The following DDX60L variants were observed in gnomAD, a reference collection of about 807,000 sequenced individuals.
DDX60L encodes the protein probable ATP-dependent RNA helicase DDX60-like.
In DDX60L, 191 loss-of-function variants were observed where a neutral mutation model predicts 211.6. The ratio of observed to expected loss-of-function variants is 0.90; its 90% CI spans 0.80 to 1.02. DDX60L has a LOEUF of 1.02. Among genes scored for constraint, DDX60L ranks in the 50% least tolerant of loss-of-function variants. The probability of loss-of-function intolerance (pLI) is 0.00; values close to 1 mark genes in which losing one functional copy is unlikely to be tolerated. For missense variants in DDX60L, 2,007 were observed against 1,984.1 expected, an observed-to-expected ratio of 1.01 and a Z score of -0.22; for synonymous variants, 706 against 694.1, an observed-to-expected ratio of 1.02 and a Z score of -0.27.
At chr4:168,386,763 T>C (rs527669109) in intron 29 of DDX60L, among the ~76,000 whole-genome samples, 35 of 152,078 alleles carry the variant, frequency 2.3e-4, no homozygotes, top group Middle Eastern at 3.4e-3. Flanking sequence ...GAAGATTACG[T>C]GGTAGACAAC....
intron 8 of DDX60L, among the ~76,000 whole-genome samples, chr4:168,449,663 A>AAAAAAAAAAAAAAAAAT (rs1561098817): frequency 1.6e-5 from 1 of 62,426 alleles, no homozygotes; most frequent in East Asian, 3.4e-4. Flanking sequence ...AAAAAAAAAA[A>AAAAAAAAAAAAAAAAAT]AAGAAAAAAG....
At chr4:168,417,314 A>G (rs1199652988) in intron 19 of DDX60L, among the ~76,000 whole-genome samples, 1 of 152,084 alleles carries the variant, frequency 6.6e-6, no homozygotes, top group Non-Finnish European at 1.5e-5. Flanking sequence ...ATCTCAGGCC[A>G]CTTTCCCCGC....
chr4:168,399,173 A>G (rs533202756), intron 26 of DDX60L, among the ~76,000 whole-genome samples: 4 of 152,334 alleles, frequency 2.6e-5, no homozygotes, highest in South Asian at 4.1e-4. Context: ...CAGGGCTAAA[A>G]GACCTGTAAC....
intron 36 of DDX60L, among the ~76,000 whole-genome samples, chr4:168,368,569 G>A (rs1740402755): frequency 6.6e-6 from 1 of 152,232 alleles, no homozygotes; most frequent in Non-Finnish European, 1.5e-5. Flanking sequence ...CTGCCTAGTG[G>A]AGCTGTGAGA....
At position 168,472,811 on chromosome 4, in the gene DDX60L, T is replaced by G; in HGVS notation, c.-110-2A>C. ...CTACATTTGATGTGAATGGCACCTC[T>G]GTAATAAAAGAAAAAATAGAACTGC... On this transcript the variant is annotated splice_acceptor_variant, in intron 1 of 37. Coordinates refer to ENST00000682922, the MANE Select transcript of DDX60L (RefSeq NM_001012967.3). LOFTEE classifies it low-confidence loss of function (5UTR_SPLICE). 8.7e-7 allele frequency: 1 copy of G among 1,149,252 alleles called. No homozygotes were observed. The highest frequency in any genetic ancestry group is 1.2e-6 in the Non-Finnish European group (1 of 820,186). 71.2% of individuals were successfully genotyped at this position (1,149,252 alleles called of 1,614,324 possible).
chr4:168,473,566 A>T (rs567445055), intron 1 of DDX60L, among the ~76,000 whole-genome samples: 1 of 152,358 alleles, frequency 6.6e-6, no homozygotes, highest in African/African-American at 2.4e-5. Flanking sequence ...AGATCCTAGC[A>T]AGGACAGGAG....
chr4:168,365,936 T>C (rs977049100), intron 36 of DDX60L, among the ~76,000 whole-genome samples: 3 of 152,126 alleles, frequency 2.0e-5, no homozygotes, highest in Non-Finnish European at 2.9e-5. Flanking sequence ...GATCTTTTGA[T>C]AGATACAGAA....
At position 168,416,783 on chromosome 4, in the gene DDX60L, G is replaced by T; in HGVS notation, c.2625C>A (p.Gly875=). 1.9e-6 allele frequency: 3 copies of T among 1,587,370 alleles called. No homozygotes were observed. The highest frequency in any genetic ancestry group is 2.6e-6 in the Non-Finnish European group (3 of 1,166,442). ...YVIFDEVHYL[G]REVGAKFWEL... The stretch of plus-strand genomic sequence containing the variant: ...CCCAAAATTTTGCTCCAACTTCTCT[G>T]CCAAGATAATGGACCTAGTAAAGAA... The change falls in exon 20 of 38, where the codon GGC becomes GGA. Residue 875 remains glycine (G), a synonymous_variant. Coordinates refer to ENST00000682922, the MANE Select transcript of DDX60L (RefSeq NM_001012967.3).
chr4:168,384,116 G>C (rs1180702335), intron 30 of DDX60L, among the ~76,000 whole-genome samples: 1 of 152,184 alleles, frequency 6.6e-6, no homozygotes, highest in Non-Finnish European at 1.5e-5. Flanking sequence ...TTGGGACTCA[G>C]ACTGGCTTCC....
intron 18 of DDX60L, among the ~76,000 whole-genome samples, chr4:168,419,796 G>A (rs992132170): frequency 2.0e-5 from 3 of 152,126 alleles, no homozygotes; most frequent in African/African-American, 4.8e-5. Context: ...AAAAGGTTGG[G>A]TAGTCATTTA....
At chr4:168,439,387 G>A (rs1236219736) in intron 10 of DDX60L, among the ~76,000 whole-genome samples, 3 of 151,858 alleles carry the variant, frequency 2.0e-5, no homozygotes, top group Non-Finnish European at 4.4e-5. Context: ...TTTCCCTGAG[G>A]TAGAACAAAT....
intron 36 of DDX60L, among the ~76,000 whole-genome samples, chr4:168,368,439 G>A (rs911626779): frequency 1.3e-5 from 2 of 152,356 alleles, no homozygotes; most frequent in East Asian, 1.9e-4. Context: ...GTATGGAAAC[G>A]CCTGGATGCC....
intron 9 of DDX60L, among the ~76,000 whole-genome samples, chr4:168,447,876 T>G (rs1448298148): frequency 4.2e-5 from 4 of 94,246 alleles, no homozygotes; most frequent in East Asian, 3.4e-4. Context: ...TGGGGACTGT[T>G]GTGGGGTGGG....
intron 34 of DDX60L, among the ~76,000 whole-genome samples, chr4:168,374,035 T>G (rs1446477314): frequency 6.6e-6 from 1 of 152,052 alleles, no homozygotes; most frequent in Non-Finnish European, 1.5e-5. Context: ...TACCTGTTAT[T>G]TTTGCCTATG....
intron 33 of DDX60L, 94 bp from the exon 34 acceptor site, chr4:168,375,618 G>T: frequency 8.7e-7 from 1 of 1,145,038 alleles, no homozygotes; most frequent in Non-Finnish European, 1.2e-6. Flanking sequence ...TCTGTAGATT[G>T]ATGCTCATTC....
Position 168,461,868 on chromosome 4 carries a change from G to C in DDX60L, c.437C>G (p.Ser146Ter), listed in dbSNP as rs753344116. Residue 146 changes from serine to a stop codon, truncating the protein, a stop_gained, in exon 5 of 38, where the codon TCA becomes TGA. Coordinates refer to ENST00000682922, the MANE Select transcript of DDX60L (RefSeq NM_001012967.3). LOFTEE classifies it high-confidence loss of function. ...TTGTAAATCACTCAGGCCTTCCTCT[G>C]AAACTATCAGAAAATACGGGTAATG... ...EQHYPYFLIV[S>*]EEGLSDLQTY... The C allele has an allele frequency of 6.2e-7, 1 of 1,610,898 alleles. No individual in the cohort carries two copies. The highest frequency in any genetic ancestry group is 8.5e-7 in the Non-Finnish European group (1 of 1,178,268).
At chr4:168,430,300 T>C (rs542128619) in intron 13 of DDX60L, among the ~76,000 whole-genome samples, 178 bp downstream of exon 13, 1 of 152,266 alleles carries the variant, frequency 6.6e-6, no homozygotes, top group South Asian at 2.1e-4. Context: ...AATTAAACCT[T>C]TTTTCTTTAT....
intron 32 of DDX60L, among the ~76,000 whole-genome samples, 193 bp from the exon 33 acceptor site, chr4:168,378,668 A>G (rs965504711): frequency 6.6e-6 from 1 of 152,054 alleles, no homozygotes; most frequent in African/African-American, 2.4e-5. Flanking sequence ...GAGATTTTAT[A>G]TTCTGTGCCT....
intron 9 of DDX60L, among the ~76,000 whole-genome samples, chr4:168,444,769 T>A (rs1754488728): frequency 7.8e-6 from 1 of 128,440 alleles, no homozygotes; most frequent in Non-Finnish European, 1.6e-5. Flanking sequence ...AACCTGCTCC[T>A]AAATGACTAC....
Sources: allele counts gnomAD v4.1 joint callset (sites outside exome capture counted in the v4.1 genomes callset), GRCh38; gene constraint gnomAD v4.1.1; transcripts MANE v1.5; gene names NCBI Gene and HGNC (gene_info 2026-07-23, HGNC 2026-07-21).